Variants in SEMA3A observed in about 807,000 individuals in gnomAD.
SEMA3A encodes semaphorin-3A.
SEMA3A carries 29 observed loss-of-function variants against 97.9 expected under a neutral mutation model. The ratio of observed to expected loss-of-function variants is 0.30; its 90% CI spans 0.22 to 0.40. SEMA3A has a LOEUF of 0.40. SEMA3A is among the 10% of genes least tolerant of loss of function. SEMA3A has a pLI of 1.00. For synonymous variants in SEMA3A, 321 were observed against 323.7 expected, an observed-to-expected ratio of 0.99 and a Z score of 0.09; for missense variants, 763 against 951.3, an observed-to-expected ratio of 0.80 and a Z score of 2.60.
chr7:84,214,332 T>G (rs1371162108), intron 3 of SEMA3A, among the ~76,000 whole-genome samples: 1 of 152,218 alleles, frequency 6.6e-6, no homozygotes, highest in Non-Finnish European at 1.5e-5. Flanking sequence ...ACATTGTATG[T>G]CTCGTTAGAT....
intron 3 of SEMA3A, among the ~76,000 whole-genome samples, chr7:84,253,872 C>T (rs1326151370): frequency 6.6e-6 from 1 of 152,124 alleles, no homozygotes; most frequent in Non-Finnish European, 1.5e-5. Context: ...TGATTTTCTC[C>T]AGTAGTTCTG....
intron 1 of SEMA3A, among the ~76,000 whole-genome samples, chr7:84,145,756 TA>T: frequency 6.6e-6 from 1 of 152,176 alleles, no homozygotes; most frequent in Non-Finnish European, 1.5e-5. Flanking sequence ...ACTTGTTCTT[TA>T]TATTTAATTT....
At position 84,104,534 on chromosome 7, in the gene SEMA3A, ATTCAG is replaced by A. The variant is rs202154081; in HGVS notation, c.453+5931_453+5935del. Among the ~76,000 whole-genome samples, 1,279 of 152,290 alleles carry A rather than the reference ATTCAG, an allele frequency of 8.4e-3. 26 individuals are homozygous for A. The highest frequency in any genetic ancestry group is 0.029 in the African/African-American group (1,217 of 41,586). ...TAACTATTGTGTTTATATATCAAATATTCAGGGAAATCAAGTCAAAATATAAAATG... is the reference window on the plus strand; with the variant it reads ...TAACTATTGTGTTTATATATCAAATAGGAAATCAAGTCAAAATATAAAATG... On this transcript the variant is annotated intron_variant, in intron 4 of 16. Transcript: ENST00000265362.
At chr7:84,333,942 C>A (rs371704359) in intron 2 of SEMA3A, among the ~76,000 whole-genome samples, 45 of 152,100 alleles carry the variant, frequency 3.0e-4, no homozygotes, top group African/African-American at 1.0e-3. Flanking sequence ...CTGGATTGTG[C>A]TATATCCTAT....
chr7:84,065,744 C>T (rs1018592158), intron 4 of SEMA3A, among the ~76,000 whole-genome samples: 2 of 152,104 alleles, frequency 1.3e-5, no homozygotes, highest in Admixed American at 1.3e-4. Flanking sequence ...TCTGAGTAGA[C>T]CAATAACAGG....
chr7:84,424,916 T>TATTTATAATTATATAA (rs1562943150), intron 1 of SEMA3A, among the ~76,000 whole-genome samples: 16 of 32,768 alleles, frequency 4.9e-4, no homozygotes, highest in African/African-American at 2.3e-3. Context: ...CATAAATATA[T>TATTTATAATTATATAA]ATATATATTT....
chr7:84,166,663 G>C (rs1177970720), intron 1 of SEMA3A, among the ~76,000 whole-genome samples: 1 of 151,832 alleles, frequency 6.6e-6, no homozygotes. Context: ...ACGAGGTCAG[G>C]AGTTCAAGAT....
At chr7:84,356,512 G>A (rs1467760967) in intron 2 of SEMA3A, among the ~76,000 whole-genome samples, 1 of 151,420 alleles carries the variant, frequency 6.6e-6, no homozygotes, top group African/African-American at 2.4e-5. Flanking sequence ...TCTGAAATTT[G>A]TTTCTCTAAT....
At chr7:84,419,529 CAA>C (rs35358909) in intron 1 of SEMA3A, among the ~76,000 whole-genome samples, 20 of 132,472 alleles carry the variant, frequency 1.5e-4, no homozygotes, top group Non-Finnish European at 1.5e-4. Context: ...TGCATGAGAC[CAA>C]AAAAAAAAAA....
At chr7:84,481,903 T>C (rs1806456632) in intron 1 of SEMA3A, among the ~76,000 whole-genome samples, 1 of 151,660 alleles carries the variant, frequency 6.6e-6, no homozygotes, top group Non-Finnish European at 1.5e-5. Flanking sequence ...TACTCAAGAG[T>C]AGTTTATTAA....
intron 1 of SEMA3A, among the ~76,000 whole-genome samples, chr7:84,403,914 C>T (rs1803985300): frequency 6.6e-6 from 1 of 152,022 alleles, no homozygotes; most frequent in Non-Finnish European, 1.5e-5. Flanking sequence ...CATCAAAGAC[C>T]AAAGGTAGAT....
chr7:84,431,618 CAG>C (rs935896804), intron 1 of SEMA3A, among the ~76,000 whole-genome samples: 2 of 146,704 alleles, frequency 1.4e-5, no homozygotes, highest in Non-Finnish European at 3.0e-5. Flanking sequence ...AATTAAAAAT[CAG>C]AGTTTTTTTT....
At chr7:84,185,133 A>G (rs1797839519) in intron 1 of SEMA3A, among the ~76,000 whole-genome samples, 2 of 152,194 alleles carry the variant, frequency 1.3e-5, no homozygotes, top group Non-Finnish European at 2.9e-5. Flanking sequence ...CTTGTACTTG[A>G]GTATTGTGGA....
chr7:83,963,681 C>T (rs1788567151), intron 15 of SEMA3A, among the ~76,000 whole-genome samples: 1 of 152,220 alleles, frequency 6.6e-6, no homozygotes, highest in Middle Eastern at 3.4e-3. Context: ...ATTTTCACTG[C>T]AAAACTCTGT....
intron 3 of SEMA3A, among the ~76,000 whole-genome samples, chr7:84,283,557 G>T (rs1418666133): frequency 2.0e-5 from 3 of 151,856 alleles, no homozygotes; most frequent in African/African-American, 4.8e-5. Context: ...GTTGGCAACT[G>T]ATTGCATGTG....
chr7:84,487,619 G>A (rs1806608456), intron 1 of SEMA3A, among the ~76,000 whole-genome samples: 1 of 152,004 alleles, frequency 6.6e-6, no homozygotes, highest in Non-Finnish European at 1.5e-5. Context: ...GGATTTATGA[G>A]GATAAGATTA....
Position 83,961,326 on chromosome 7 carries a change from C to T in SEMA3A, c.*45G>A, listed in dbSNP as rs760794793. ...TTGCATTTGTTTTTCCAGTTATTGT[C>T]TAGGCAAGTTTCTACTTGTTTGAGG... On this transcript the variant is annotated 3_prime_UTR_variant, in exon 17 of 17. Coordinates refer to ENST00000265362, the MANE Select transcript of SEMA3A (RefSeq NM_006080.3). 2.7e-6 allele frequency: 4 copies of T among 1,479,918 alleles called. No individual in the cohort carries two copies. The Admixed American group carries it at 6.8e-5, about 25-fold the overall frequency. The allele number at this position is 1,479,918 out of a possible 1,614,324, so 91.7% of individuals were successfully genotyped here.
chr7:84,333,520 A>C (rs750893957), intron 2 of SEMA3A, among the ~76,000 whole-genome samples: 3 of 152,152 alleles, frequency 2.0e-5, no homozygotes, highest in Non-Finnish European at 4.4e-5. Context: ...GAATGATACG[A>C]AGGAGTACTT....
intron 1 of SEMA3A, among the ~76,000 whole-genome samples, chr7:84,456,549 G>GA (rs1292054775): frequency 6.6e-6 from 1 of 151,672 alleles, no homozygotes; most frequent in Non-Finnish European, 1.5e-5. Context: ...TAATCAAATA[G>GA]AAAGATTTAC....
Sources: allele counts gnomAD v4.1 joint callset (sites outside exome capture counted in the v4.1 genomes callset), GRCh38; gene constraint gnomAD v4.1.1; transcripts MANE v1.5; gene names NCBI Gene and HGNC (gene_info 2026-07-23, HGNC 2026-07-21).